The following EFCAB6 variants were observed in gnomAD, a reference collection of about 807,000 sequenced individuals.
The protein encoded by EFCAB6 is EF-hand calcium-binding domain-containing protein 6.
In EFCAB6, 156 loss-of-function variants were observed where a neutral mutation model predicts 169.8. The ratio of observed to expected loss-of-function variants is 0.92; its 90% confidence interval spans 0.81 to 1.05. EFCAB6 has a LOEUF of 1.05. Among genes scored for constraint, EFCAB6 ranks in the 50% least tolerant of loss-of-function variants. The pLI is 0.00. For synonymous variants in EFCAB6, 698 were observed against 676.4 expected (o/e 1.03, Z -0.50); for missense variants, 1,800 against 1,829.1 (o/e 0.98, Z 0.29).
chr22:43,725,933 T>C (rs926645254), intron 8 of EFCAB6, among the ~76,000 whole-genome samples: 1 of 152,180 alleles, frequency 6.6e-6, no homozygotes, highest in Non-Finnish European at 1.5e-5. Context: ...TAAGATTGTA[T>C]TTTACGATGA....
At chr22:43,542,560 A>G (rs1018886034) in intron 27 of EFCAB6, among the ~76,000 whole-genome samples, 1 of 152,176 alleles carries the variant, frequency 6.6e-6, no homozygotes, top group African/African-American at 2.4e-5. Context: ...AGCCTGGGCA[A>G]AAGAGCAAGA....
chr22:43,560,612 C>T (rs1011989837), intron 26 of EFCAB6, among the ~76,000 whole-genome samples: 1 of 152,218 alleles, frequency 6.6e-6, no homozygotes, highest in Non-Finnish European at 1.5e-5. Context: ...GTGGCCACTG[C>T]AGGCCTCCTT....
chr22:43,551,015 G>A (rs1296687966), intron 27 of EFCAB6, among the ~76,000 whole-genome samples: 3 of 152,122 alleles, frequency 2.0e-5, no homozygotes, highest in Admixed American at 1.3e-4. Flanking sequence ...GGCCCCTCAC[G>A]TTCGTGACTG....
chr22:43,764,054 G>A lies in EFCAB6; in HGVS notation c.440+1251C>T, dbSNP rs980008494. Among the ~76,000 whole-genome samples, 57 of 152,044 alleles carry A rather than the reference G, an allele frequency of 3.7e-4. No individual in the cohort carries two copies. In the South Asian group the frequency reaches 4.6e-3, roughly 12 times the overall value. ...CTGGGGTTATAGTGTGAACCACCAC[G>A]CCCAGCCTCAAGTTTTATTTTAGAT... On this transcript the variant is annotated intron_variant, in intron 5 of 31. Coordinates refer to ENST00000262726, the MANE Select transcript of EFCAB6 (RefSeq NM_022785.4).
intron 20 of EFCAB6, 108 bp downstream of exon 20, chr22:43,626,339 T>A: frequency 9.0e-7 from 1 of 1,106,964 alleles, no homozygotes; most frequent in Admixed American, 2.7e-5. Context: ...AAGAAAAAAA[T>A]AATCACTCCA....
At chr22:43,708,453 A>G (rs1396086718) in intron 10 of EFCAB6, among the ~76,000 whole-genome samples, 1 of 152,166 alleles carries the variant, frequency 6.6e-6, no homozygotes, top group African/African-American at 2.4e-5. Flanking sequence ...ATAAAGAAAA[A>G]AAGAAGAGCA....
intron 3 of EFCAB6, among the ~76,000 whole-genome samples, chr22:43,775,446 CTATT>C (rs1339177364): frequency 6.6e-6 from 1 of 151,944 alleles, no homozygotes; most frequent in Admixed American, 6.6e-5. Context: ...CTGCCTGGTC[CTATT>C]TATTTATTTA....
At chr22:43,722,194 G>C (rs1204788702) in intron 8 of EFCAB6, among the ~76,000 whole-genome samples, 1 of 152,024 alleles carries the variant, frequency 6.6e-6, no homozygotes, top group Non-Finnish European at 1.5e-5. Flanking sequence ...AAGCCACAAG[G>C]AGATACCATC....
intron 25 of EFCAB6, among the ~76,000 whole-genome samples, chr22:43,579,910 G>A (rs1371788111): frequency 1.3e-5 from 2 of 151,882 alleles, no homozygotes; most frequent in Admixed American, 6.6e-5. Context: ...GTACACGCAG[G>A]CATCATTCCC....
At chr22:43,777,163 T>C (rs763419750) in intron 3 of EFCAB6, among the ~76,000 whole-genome samples, 8 of 152,120 alleles carry the variant, frequency 5.3e-5, no homozygotes, top group Non-Finnish European at 1.0e-4. Flanking sequence ...GTGCTGGACA[T>C]GAGCAATGAG....
chr22:43,730,741 C>T (rs1054027760), intron 8 of EFCAB6, among the ~76,000 whole-genome samples: 6 of 152,130 alleles, frequency 3.9e-5, no homozygotes, highest in South Asian at 2.1e-4. Context: ...ACCTGCCTCA[C>T]GTGGTCGTGG....
At chr22:43,632,352 C>A (rs947306965) in intron 18 of EFCAB6, 114 bp from the exon 19 acceptor site, 9 of 1,406,134 alleles carry the variant, frequency 6.4e-6, no homozygotes, top group Non-Finnish European at 8.4e-6. Flanking sequence ...CAGGCTGGAG[C>A]GCAGTGGTGC....
intron 10 of EFCAB6, among the ~76,000 whole-genome samples, chr22:43,690,613 T>G (rs185148728): frequency 5.1e-4 from 77 of 152,062 alleles, no homozygotes; most frequent in Non-Finnish European, 8.5e-4. Context: ...CGACACTCCT[T>G]CTGAAACGTA....
intron 30 of EFCAB6, among the ~76,000 whole-genome samples, chr22:43,531,390 A>T (rs930503540): frequency 6.6e-6 from 1 of 152,218 alleles, no homozygotes; most frequent in African/African-American, 2.4e-5. Flanking sequence ...GTTTGAGGAA[A>T]AAAAGAGATT....
chr22:43,530,105 G>A (rs2046969228), intron 31 of EFCAB6, among the ~76,000 whole-genome samples: 1 of 152,200 alleles, frequency 6.6e-6, no homozygotes, highest in Non-Finnish European at 1.5e-5. Flanking sequence ...TACGCCATCT[G>A]ATCTGTGACT....
intron 16 of EFCAB6, among the ~76,000 whole-genome samples, chr22:43,667,661 C>A (rs1348988656): frequency 1.3e-5 from 2 of 152,058 alleles, no homozygotes; most frequent in Admixed American, 1.3e-4. Context: ...AAAGTCAGAG[C>A]CCATTAGAAA....
intron 2 of EFCAB6, among the ~76,000 whole-genome samples, chr22:43,786,124 A>G (rs2062066102): frequency 6.6e-6 from 1 of 152,098 alleles, no homozygotes; most frequent in South Asian, 2.1e-4. Context: ...GCACTTTGGG[A>G]GGCCAAGGTG....
chr22:43,546,398 C>T (rs868800026), intron 27 of EFCAB6, among the ~76,000 whole-genome samples: 14 of 152,248 alleles, frequency 9.2e-5, no homozygotes, highest in African/African-American at 3.4e-4. Flanking sequence ...GTGGGTCCTA[C>T]ACACACAGTT....
rs35071274 is a variant in EFCAB6 at position 43,580,543 on chromosome 22, T to C, written c.3149A>G (p.Asn1050Ser). Residue 1050 changes from asparagine to serine, a missense_variant, in exon 25 of 32, where the codon AAT becomes AGT. Transcript: ENST00000262726. ...CTCCTGTGGATTCAGCGTTGCAAAA[T>C]TGATTGGCATGCTCTCTTCTTTTTC... ...PKEKEESMPI[N>S]FATLNPQEAV... is the part of the protein sequence containing the mutation. 2.6e-4 allele frequency: 418 copies of C among 1,614,148 alleles called. 3 individuals are homozygous for C. The African/African-American group carries it at 5.1e-3, about 20-fold the overall frequency.
Sources: allele counts gnomAD v4.1 joint callset (sites outside exome capture counted in the v4.1 genomes callset), GRCh38; gene constraint gnomAD v4.1.1; transcripts MANE v1.5; gene names NCBI Gene and HGNC (gene_info 2026-07-23, HGNC 2026-07-21).